The following PCBD1 variants were observed in gnomAD, a reference collection of about 807,000 sequenced individuals.
PCBD1 encodes the protein pterin-4 alpha-carbinolamine dehydratase 1.
Under a neutral mutation model 12.6 loss-of-function variants are expected in PCBD1, and 16 were observed. The ratio of observed to expected loss-of-function variants is 1.27; its 90% CI spans 0.86 to 1.93. PCBD1 has a LOEUF of 1.93. Among genes scored for constraint, PCBD1 ranks in the 30% most tolerant of loss-of-function variants. The probability of loss-of-function intolerance (pLI) is 0.00; values close to 1 mark genes in which losing one functional copy is unlikely to be tolerated. For synonymous variants in PCBD1, 53 were observed against 50.2 expected (o/e 1.05, Z -0.23); for missense variants, 86 against 130.1 (o/e 0.66, Z 1.65).
At chr10:70,886,048 A>C in intron 1 of PCBD1, 119 bp from the exon 2 acceptor site, 2 of 1,329,352 alleles carry the variant, frequency 1.5e-6, no homozygotes, top group Non-Finnish European at 2.1e-6. Flanking sequence ...GGGTGACCAA[A>C]GGGCAGCAGG....
Position 70,885,182 on chromosome 10 carries a change from G to T in PCBD1, c.186C>A (p.His62Gln), listed in dbSNP as rs779630725. Residue 62 changes from histidine (H) to glutamine (Q), a missense_variant, in exon 3 of 4, where the codon CAC becomes CAA. His to Gln is a conservative substitution (Grantham distance 24). Coordinates refer to ENST00000299299, the MANE Select transcript of PCBD1 (RefSeq NM_000281.4). ...TGTACACGTTAAACCATTCAGGATG[G>T]TGGTCCAGTTTCTCAGCCTGCAGGG... ...RVALQAEKLD[H>Q]HPEWFNVYNK... The T allele has an allele frequency of 3.1e-6, 5 of 1,614,006 alleles. 1 individual carries two copies. In the Admixed American group the frequency reaches 8.3e-5, roughly 27 times the overall value.
intron 3 of PCBD1, 80 bp from the exon 4 acceptor site, chr10:70,884,128 T>C: frequency 7.0e-7 from 1 of 1,427,374 alleles, no homozygotes; most frequent in African/African-American, 1.4e-5. Context: ...GGCTCAGCCC[T>C]GCTAGGAGCT....
At chr10:70,888,374 G>A in intron 1 of PCBD1, 157 bp downstream of exon 1, 1 of 757,308 alleles carries the variant, frequency 1.3e-6, no homozygotes, top group South Asian at 3.0e-5. Context: ...CCTCCCCGCC[G>A]CCAGCGACAG....
chr10:70,882,311 C>T (rs1338822337), downstream of PCBD1: 1 of 152,138 alleles, frequency 6.6e-6, no homozygotes, highest in Non-Finnish European at 1.5e-5. Context: ...TATGATAGGC[C>T]TGTGTATTAT....
At chr10:70,885,991 G>C in intron 1 of PCBD1, 62 bp from the exon 2 acceptor site, 1 of 1,593,670 alleles carries the variant, frequency 6.3e-7, no homozygotes, top group Non-Finnish European at 8.5e-7. Context: ...AAACAGAGGG[G>C]CTCCAACCTT....
rs1846532417 is a variant in PCBD1 at position 70,883,659 on chromosome 10, C to T, written c.*291G>A. 1.5e-6 allele frequency: 2 copies of T among 1,293,016 alleles called. No homozygotes were observed. Among genetic ancestry groups the T allele is most frequent in the Non-Finnish European group, 9.9e-7 (1 of 1,010,510 alleles). The allele number at this position is 1,293,016 out of a possible 1,614,324, so 80.1% of individuals were successfully genotyped here. A position where few individuals can be genotyped will look rare whatever the true frequency, so the allele number is the denominator to read the frequency against. On this transcript the variant is annotated 3_prime_UTR_variant, in exon 4 of 4. Transcript: ENST00000299299. Reference sequence around the variant, plus strand: ...AAATGAATTAGGGAGCAAGAGACGGCCTGGCAAGAAAATCATTATTGTTGC... The same window carrying T: ...AAATGAATTAGGGAGCAAGAGACGGTCTGGCAAGAAAATCATTATTGTTGC...
intron 1 of PCBD1, among the ~76,000 whole-genome samples, chr10:70,886,292 C>G (rs530996627): frequency 6.6e-6 from 1 of 152,194 alleles, no homozygotes; most frequent in Non-Finnish European, 1.5e-5. Context: ...TCAGTGAGGG[C>G]GTAAAAGCAA....
chr10:70,882,821 T>TGAG (rs1271460192), downstream of PCBD1, among the ~76,000 whole-genome samples: 2 of 152,174 alleles, frequency 1.3e-5, no homozygotes, highest in Non-Finnish European at 1.5e-5. Flanking sequence ...AAATATAGGT[T>TGAG]GAGTATCCCT....
intron 2 of PCBD1, 96 bp from the exon 3 acceptor site, chr10:70,885,328 T>C: frequency 1.1e-6 from 1 of 884,976 alleles, no homozygotes; most frequent in South Asian, 1.4e-5. Context: ...ATGAATTAGC[T>C]TCCCCCCAGG....
In PCBD1 at chr10:70,888,521, CT is replaced by C. The variant is rs1329771971; in HGVS notation, c.3+9del. 1.5e-6 allele frequency: 2 copies of C among 1,319,906 alleles called. No individual in the cohort carries two copies. The allele number at this position is 1,319,906 out of a possible 1,614,324, so 81.8% of individuals were successfully genotyped here. On this transcript the variant is annotated intron_variant, in intron 1 of 3. Coordinates refer to ENST00000299299, the MANE Select transcript of PCBD1 (RefSeq NM_000281.4). Reference sequence around the variant, plus strand: ...CTGCCCCGATCGCGGCCGCGCACCCCTGGACTCACCATGGCGCGGGCGGCAG... The same window carrying C: ...CTGCCCCGATCGCGGCCGCGCACCCCGGACTCACCATGGCGCGGGCGGCAG...
At chr10:70,884,224 C>T (rs756858215) in intron 3 of PCBD1, among the ~76,000 whole-genome samples, 176 bp from the exon 4 acceptor site, 5 of 152,154 alleles carry the variant, frequency 3.3e-5, no homozygotes, top group Admixed American at 6.5e-5. Flanking sequence ...CTCCCCTTTG[C>T]TGTCTCTCAA....
At chr10:70,884,478 A>ATTTTTTTTTTTTT in intron 3 of PCBD1, among the ~76,000 whole-genome samples, 1 of 108,466 alleles carries the variant, frequency 9.2e-6, no homozygotes, top group Non-Finnish European at 1.7e-5. Context: ...ATGTGTCTGT[A>ATTTTTTTTTTTTT]TTTTTTTTTT....
downstream of PCBD1, chr10:70,882,559 CAGG>C (rs1015799830): frequency 2.0e-5 from 3 of 152,236 alleles, no homozygotes; most frequent in Non-Finnish European, 4.4e-5. Context: ...GGCAGTCAGG[CAGG>C]AGGACTTCCC....
At chr10:70,888,093 TGC>T (rs1039405871) in intron 1 of PCBD1, 2 of 156,386 alleles carry the variant, frequency 1.3e-5, no homozygotes, top group African/African-American at 4.8e-5. Context: ...GTACCCAGAG[TGC>T]CAGCGGGAAG....
rs759506729 is a variant in PCBD1 at position 70,885,135 on chromosome 10, C to T, written c.216+17G>A. 4.5e-5 allele frequency: 73 copies of T among 1,605,090 alleles called. 1 individual carries two copies. In the South Asian group the frequency reaches 7.8e-4, roughly 17 times the overall value. On this transcript the variant is annotated intron_variant, in intron 3 of 3. Transcript: ENST00000299299. ...GGATGGGGGCAGAGCACAACAGAGG[C>T]ACACAGCATCACTCACCTTGTTGTA...
At chr10:70,884,478 A>ATTTTTT (rs71012255) in intron 3 of PCBD1, among the ~76,000 whole-genome samples, 14 of 108,434 alleles carry the variant, frequency 1.3e-4, no homozygotes, top group Non-Finnish European at 1.5e-4. Flanking sequence ...ATGTGTCTGT[A>ATTTTTT]TTTTTTTTTT....
intron 3 of PCBD1, 51 bp from the exon 4 acceptor site, chr10:70,884,099 A>T: frequency 6.3e-7 from 1 of 1,584,660 alleles, no homozygotes; most frequent in African/African-American, 1.3e-5. Flanking sequence ...TAAGAACAGG[A>T]GGGAGTCACT....
At chr10:70,887,447 T>C (rs567678831) in intron 1 of PCBD1, among the ~76,000 whole-genome samples, 4 of 152,246 alleles carry the variant, frequency 2.6e-5, no homozygotes, top group African/African-American at 9.6e-5. Flanking sequence ...GCCCAGTAGG[T>C]AGGTCTCTAC....
chr10:70,887,420 A>T (rs1332701331), intron 1 of PCBD1, among the ~76,000 whole-genome samples: 4 of 152,140 alleles, frequency 2.6e-5, no homozygotes, highest in African/African-American at 9.7e-5. Flanking sequence ...GAATGGCAGC[A>T]GCGATTTGCA....
Sources: gnomAD v4.1 joint callset for allele counts (sites outside exome capture counted in the v4.1 genomes callset) on GRCh38, gnomAD v4.1.1 for gene constraint, MANE v1.5 for transcripts, NCBI Gene and HGNC (gene_info 2026-07-23, HGNC 2026-07-21) for gene names.